The following ZDHHC23 variants were observed in gnomAD, a reference collection of about 807,000 sequenced individuals.
ZDHHC23 encodes the protein zDHHC palmitoyltransferase 23.
Under a neutral mutation model 40.2 loss-of-function variants are expected in ZDHHC23, and 41 were observed. The ratio of observed to expected loss-of-function variants is 1.02; its 90% CI spans 0.79 to 1.32. ZDHHC23 has a LOEUF of 1.32. Ranked by LOEUF, ZDHHC23 falls within the 40% of genes most tolerant of loss-of-function variation. The probability of loss-of-function intolerance (pLI) is 0.00; values close to 1 mark genes in which losing one functional copy is unlikely to be tolerated. For synonymous variants in ZDHHC23, 204 were observed against 210.2 expected, an observed-to-expected ratio of 0.97 and a Z score of 0.26; for missense variants, 471 against 541.5, an observed-to-expected ratio of 0.87 and a Z score of 1.29.
At chr3:113,956,096 G>T (rs1449173712) in intron 3 of ZDHHC23, among the ~76,000 whole-genome samples, 1 of 152,122 alleles carries the variant, frequency 6.6e-6, no homozygotes, top group Non-Finnish European at 1.5e-5. Flanking sequence ...ACACAAATTA[G>T]CTGGGCATGG....
the ZDHHC23 span, chr3:113,979,120 G>T: frequency 2.1e-6 from 2 of 971,646 alleles, no homozygotes; most frequent in South Asian, 1.6e-5. Flanking sequence ...AGTCGGTAGA[G>T]AATAATCTGA....
chr3:113,976,799 G>GTTA, the ZDHHC23 span, among the ~76,000 whole-genome samples: 5 of 152,100 alleles, frequency 3.3e-5, no homozygotes, highest in African/African-American at 9.7e-5. Flanking sequence ...GCTTTGAAAG[G>GTTA]TTATTTGTTC....
intron 3 of ZDHHC23, among the ~76,000 whole-genome samples, chr3:113,955,389 T>TGCGC (rs199620524): frequency 1.2e-4 from 17 of 140,250 alleles, no homozygotes; most frequent in African/African-American, 4.2e-4. Flanking sequence ...TGTGTGTGTG[T>TGCGC]GTGCGTGTGT....
At chr3:113,965,328 T>C, downstream of ZDHHC23, 1 of 1,609,750 alleles carries the variant, frequency 6.2e-7, no homozygotes, top group South Asian at 1.1e-5. Flanking sequence ...ACAAACTTCT[T>C]CCATGTCCGA....
downstream of ZDHHC23, chr3:113,965,137 A>G (rs1240878079): frequency 5.2e-6 from 8 of 1,549,098 alleles, no homozygotes; most frequent in Non-Finnish European, 7.0e-6. Context: ...CCTGTCCTAA[A>G]TATTACACTA....
At chr3:113,978,848 A>G in the ZDHHC23 span, 2 of 1,612,218 alleles carry the variant, frequency 1.2e-6, no homozygotes, top group Non-Finnish European at 1.7e-6. Context: ...ACCCTTCCCT[A>G]TGTCCTTACC....
At chr3:113,977,918 T>G in the ZDHHC23 span, among the ~76,000 whole-genome samples, 1 of 152,224 alleles carries the variant, frequency 6.6e-6, no homozygotes, top group Non-Finnish European at 1.5e-5. Context: ...GTGTTTCATA[T>G]AGGTCACATC....
chr3:113,979,123 T>C, the ZDHHC23 span: 3 of 960,402 alleles, frequency 3.1e-6, no homozygotes, highest in Non-Finnish European at 4.7e-6. Context: ...CGGTAGAGAA[T>C]AATCTGAAGG....
downstream of ZDHHC23, among the ~76,000 whole-genome samples, chr3:113,967,974 T>G (rs987870670): frequency 2.6e-5 from 4 of 152,244 alleles, no homozygotes; most frequent in Admixed American, 2.0e-4. Context: ...GATTTCATTC[T>G]TTTTCATTAC....
chr3:113,966,483 T>A (rs780289271), downstream of ZDHHC23, among the ~76,000 whole-genome samples: 2 of 152,124 alleles, frequency 1.3e-5, no homozygotes, highest in African/African-American at 2.4e-5. Flanking sequence ...AGTCTGGTGG[T>A]GAGGAGCAGA....
At chr3:113,967,655 T>G (rs371606152), downstream of ZDHHC23, among the ~76,000 whole-genome samples, 5 of 152,318 alleles carry the variant, frequency 3.3e-5, no homozygotes, top group East Asian at 9.6e-4. Context: ...CAAGTTATTC[T>G]CTTCTGGTTA....
At position 113,960,552 on chromosome 3, in the gene ZDHHC23, T is replaced by C. The variant is rs1939609633; in HGVS notation, c.*1922T>C. On this transcript the variant is annotated 3_prime_UTR_variant, in exon 5 of 5. Transcript: ENST00000638807. ...CCAACTCTGATTATCTAGCCATTGA[T>C]CATACAAATTGATAGAAACATTAGT... 1.4e-6 allele frequency: 2 copies of C among 1,448,706 alleles called. No homozygotes were observed. Among genetic ancestry groups the C allele is most frequent in the African/African-American group, 3.0e-5 (2 of 67,566 alleles). 89.7% of individuals were successfully genotyped at this position (1,448,706 alleles called of 1,614,324 possible). A position where few individuals can be genotyped will look rare whatever the true frequency, so the allele number is the denominator to read the frequency against.
At chr3:113,968,783 T>G (rs1175422449), downstream of ZDHHC23, among the ~76,000 whole-genome samples, 1 of 152,090 alleles carries the variant, frequency 6.6e-6, no homozygotes, top group African/African-American at 2.4e-5. Flanking sequence ...ATTGGATTTT[T>G]TTTTGCTATT....
At position 113,960,394 on chromosome 3, in the gene ZDHHC23, T is replaced by C. The variant is rs540641070; in HGVS notation, c.*1764T>C. On this transcript the variant is annotated 3_prime_UTR_variant, in exon 5 of 5. Coordinates refer to ENST00000638807, the MANE Select transcript of ZDHHC23 (RefSeq NM_001320466.2). ...CCTGGCCCAGAGCTGAATATTCATCTAGAATTAAAGTTGGATTTGATATAA... is the reference window on the plus strand; with the variant it reads ...CCTGGCCCAGAGCTGAATATTCATCCAGAATTAAAGTTGGATTTGATATAA... 23 of 1,215,082 alleles carry C rather than the reference T, an allele frequency of 1.9e-5. No individual in the cohort carries two copies. In the East Asian group the frequency reaches 1.2e-3, roughly 66 times the overall value. 75.3% of individuals were successfully genotyped at this position (1,215,082 alleles called of 1,614,324 possible). A position where few individuals can be genotyped will look rare whatever the true frequency, so the allele number is the denominator to read the frequency against.
intron 2 of ZDHHC23, among the ~76,000 whole-genome samples, chr3:113,953,353 T>A (rs1938865195): frequency 6.6e-6 from 1 of 152,244 alleles, no homozygotes; most frequent in African/African-American, 2.4e-5. Context: ...GTCACTTACC[T>A]AATAGTTCTT....
At chr3:113,963,985 G>A (rs1939873665), downstream of ZDHHC23, among the ~76,000 whole-genome samples, 1 of 151,182 alleles carries the variant, frequency 6.6e-6, no homozygotes, top group Non-Finnish European at 1.5e-5. Context: ...AGGAAAAGCT[G>A]TGTGGGAACA....
chr3:113,968,937 CAAG>C (rs75449129), downstream of ZDHHC23, among the ~76,000 whole-genome samples: 11,751 of 152,110 alleles, frequency 0.077, 490 homozygotes, highest in Middle Eastern at 0.12. Flanking sequence ...GCCAGCTGTA[CAAG>C]AAGTATGGCA....
chr3:113,976,195 G>T, the ZDHHC23 span, among the ~76,000 whole-genome samples: 9 of 151,970 alleles, frequency 5.9e-5, no homozygotes, highest in Non-Finnish European at 4.4e-5. Flanking sequence ...GGAGGCGGAG[G>T]TTGCAGTGAG....
rs115718414 is a variant in ZDHHC23 at position 113,953,449 on chromosome 3, T to G, written c.162-251T>G. Among the ~76,000 whole-genome samples, 485 of 152,362 alleles carry G rather than the reference T, an allele frequency of 3.2e-3. 1 individual carries two copies. Among genetic ancestry groups the G allele is most frequent in the Non-Finnish European group, 5.8e-3 (397 of 68,038 alleles). ...CAGGTCATAAGATGTAAACATTACT[T>G]GCAGCATGTGTCTGTACCTATGTAT... On this transcript the variant is annotated intron_variant, in intron 2 of 4. Coordinates refer to ENST00000638807, the MANE Select transcript of ZDHHC23 (RefSeq NM_001320466.2).
Sources: allele counts gnomAD v4.1 joint callset (sites outside exome capture counted in the v4.1 genomes callset), GRCh38; gene constraint gnomAD v4.1.1; transcripts MANE v1.5; gene names NCBI Gene and HGNC (gene_info 2026-07-23, HGNC 2026-07-21).